The following CDH18 variants were observed in gnomAD, a reference collection of about 807,000 sequenced individuals.
CDH18 encodes cadherin-18.
Under a neutral mutation model 67.9 loss-of-function variants are expected in CDH18, and 31 were observed. That is an observed-to-expected ratio of 0.46 (90% confidence interval 0.34 to 0.62). The LOEUF is 0.62. Among genes scored for constraint, CDH18 ranks in the 20% least tolerant of loss-of-function variants. CDH18 has a pLI of 0.01. For missense variants in CDH18, 890 were observed against 975.5 expected, an observed-to-expected ratio of 0.91 and a Z score of 1.17; for synonymous variants, 362 against 347.2, an observed-to-expected ratio of 1.04 and a Z score of -0.48.
intron 1 of CDH18, among the ~76,000 whole-genome samples, chr5:20,403,226 C>T (rs1278553604): frequency 6.6e-6 from 1 of 152,116 alleles, no homozygotes; most frequent in Non-Finnish European, 1.5e-5. Context: ...TTTACATTGT[C>T]CAGCTCCATC....
intron 5 of CDH18, among the ~76,000 whole-genome samples, chr5:19,625,491 T>C (rs916074582): frequency 6.6e-6 from 1 of 151,994 alleles, no homozygotes; most frequent in Admixed American, 6.6e-5. Flanking sequence ...TGTTGCACTG[T>C]TCTGGAATCT....
intron 2 of CDH18, among the ~76,000 whole-genome samples, chr5:20,043,229 G>T (rs1740606201): frequency 6.6e-6 from 1 of 151,932 alleles, no homozygotes; most frequent in Non-Finnish European, 1.5e-5. Context: ...AAAGCTTCTG[G>T]CTGGAAACCA....
chr5:20,009,291 T>G (rs968459317), intron 2 of CDH18, among the ~76,000 whole-genome samples: 2 of 152,118 alleles, frequency 1.3e-5, no homozygotes, highest in Admixed American at 6.6e-5. Context: ...ACATCTCATG[T>G]ATCATTATAA....
intron 1 of CDH18, among the ~76,000 whole-genome samples, chr5:20,552,057 T>C (rs1581189399): frequency 6.6e-6 from 1 of 152,090 alleles, no homozygotes; most frequent in Admixed American, 6.5e-5. Context: ...TGTTCAAATA[T>C]TCAAGAAACA....
chr5:19,576,458 A>G, intron 7 of CDH18, among the ~76,000 whole-genome samples: 1 of 152,170 alleles, frequency 6.6e-6, no homozygotes, highest in East Asian at 1.9e-4. Context: ...TTCTCAAAAA[A>G]TGACATACAA....
At chr5:20,549,841 C>T (rs956319249) in intron 1 of CDH18, among the ~76,000 whole-genome samples, 2 of 152,074 alleles carry the variant, frequency 1.3e-5, no homozygotes, top group African/African-American at 4.8e-5. Context: ...CATATTTATT[C>T]CACTCTAGCA....
At chr5:20,260,986 A>G (rs949078121) in intron 1 of CDH18, among the ~76,000 whole-genome samples, 1 of 152,132 alleles carries the variant, frequency 6.6e-6, no homozygotes, top group African/African-American at 2.4e-5. Flanking sequence ...ACTCAGGCCT[A>G]CAGGCCTGAT....
At chr5:19,571,228 T>C (rs909469252) in intron 8 of CDH18, among the ~76,000 whole-genome samples, 6 of 152,198 alleles carry the variant, frequency 3.9e-5, no homozygotes, top group African/African-American at 1.4e-4. Context: ...TCATCACGCT[T>C]TGTACTATAT....
At chr5:19,495,261 C>G (rs191963954) in intron 11 of CDH18, among the ~76,000 whole-genome samples, 1 of 152,286 alleles carries the variant, frequency 6.6e-6, no homozygotes, top group East Asian at 1.9e-4. Context: ...CAGCAATCAT[C>G]TTCATGATAA....
rs553285851 is a variant in CDH18 at position 19,839,316 on chromosome 5, C to T, written c.-256-74G>A. The T allele has an allele frequency of 6.6e-4, 183 of 277,364 alleles. 1 individual carries two copies. Among genetic ancestry groups the T allele is most frequent in the African/African-American group, 3.8e-3 (175 of 46,206 alleles). 17.2% of individuals were successfully genotyped at this position (277,364 alleles called of 1,614,324 possible). A position where few individuals can be genotyped will look rare whatever the true frequency, so the allele number is the denominator to read the frequency against. ...CTATTTGCTCTGAATACAAATGATACTATTTTGCAATGTGATACTGATAGG... is the reference window on the plus strand; with the variant it reads ...CTATTTGCTCTGAATACAAATGATATTATTTTGCAATGTGATACTGATAGG... On this transcript the variant is annotated intron_variant, in intron 2 of 12. Coordinates refer to ENST00000382275, the MANE Select transcript of CDH18 (RefSeq NM_004934.5).
chr5:20,023,804 G>A (rs896902464), intron 2 of CDH18, among the ~76,000 whole-genome samples: 5 of 152,122 alleles, frequency 3.3e-5, no homozygotes, highest in African/African-American at 9.7e-5. Flanking sequence ...CACTGAATGA[G>A]CTACCTTAGT....
intron 2 of CDH18, among the ~76,000 whole-genome samples, chr5:20,195,999 T>C (rs1421391392): frequency 6.6e-6 from 1 of 152,176 alleles, no homozygotes; most frequent in African/African-American, 2.4e-5. Context: ...ATACCTGCTT[T>C]ACCACTGTGG....
intron 1 of CDH18, among the ~76,000 whole-genome samples, chr5:20,457,672 T>C (rs950792850): frequency 6.6e-6 from 1 of 152,146 alleles, no homozygotes; most frequent in Admixed American, 6.6e-5. Context: ...TTTCTAAGAA[T>C]TTGGAAGGTC....
intron 5 of CDH18, among the ~76,000 whole-genome samples, chr5:19,697,907 T>G (rs1762743455): frequency 6.6e-6 from 1 of 152,164 alleles, no homozygotes; most frequent in Non-Finnish European, 1.5e-5. Context: ...GGGCTTTGTC[T>G]AGGAAGGCAG....
chr5:20,500,494 C>T (rs1006621636), intron 1 of CDH18, among the ~76,000 whole-genome samples: 2 of 152,094 alleles, frequency 1.3e-5, no homozygotes, highest in Non-Finnish European at 2.9e-5. Flanking sequence ...ACTCATCTCG[C>T]CTCTAAATTA....
At chr5:20,100,386 A>G (rs994977442) in intron 2 of CDH18, among the ~76,000 whole-genome samples, 1 of 152,110 alleles carries the variant, frequency 6.6e-6, no homozygotes, top group African/African-American at 2.4e-5. Context: ...TTGTCATAAA[A>G]CCCCTAAATC....
intron 2 of CDH18, among the ~76,000 whole-genome samples, chr5:19,975,239 A>G (rs562032256): frequency 6.6e-6 from 1 of 152,148 alleles, no homozygotes. Flanking sequence ...ATGTCTCCAC[A>G]TCGTACTTAA....
chr5:19,781,232 A>G (rs888975627), intron 3 of CDH18, among the ~76,000 whole-genome samples: 1 of 152,162 alleles, frequency 6.6e-6, no homozygotes, highest in Non-Finnish European at 1.5e-5. Flanking sequence ...AAAAAACAGC[A>G]AATTATTTGC....
intron 2 of CDH18, among the ~76,000 whole-genome samples, chr5:20,077,555 A>C (rs74570260): frequency 0.035 from 5,368 of 152,294 alleles, 317 homozygotes; most frequent in African/African-American, 0.12. Context: ...GAAAGAGTAC[A>C]TTGAAAACAA....
Sources: gnomAD v4.1 joint callset for allele counts (sites outside exome capture counted in the v4.1 genomes callset) on GRCh38, gnomAD v4.1.1 for gene constraint, MANE v1.5 for transcripts, NCBI Gene and HGNC (gene_info 2026-07-23, HGNC 2026-07-21) for gene names.